SPATA31C1: variants seen among roughly 807,000 people sequenced by gnomAD.
SPATA31C1 encodes the protein SPATA31 subfamily C member 1, also known as spermatogenesis-associated protein 31C1.
chr9:87,922,171 C>T, exon 5 of SPATA31C1: 1 of 1,613,284 alleles, frequency 6.2e-7, no homozygotes, highest in East Asian at 2.2e-5. Flanking sequence ...CGAGGGATCC[C>T]ATCTTCAAAT....
chr9:87,920,076 G>A, intron 4 of SPATA31C1, 100 bp downstream of exon 3: 1 of 1,608,440 alleles, frequency 6.2e-7, no homozygotes, highest in South Asian at 1.1e-5. Flanking sequence ...GGAGACCAGG[G>A]GGACAGAGGA....
exon 5 of SPATA31C1, chr9:87,922,422 A>C (rs761145788): frequency 1.6e-5 from 26 of 1,610,220 alleles, no homozygotes; most frequent in Non-Finnish European, 8.5e-7. Flanking sequence ...AGGCGCCAGC[A>C]AAAGCTCTCT....
intron 1 of SPATA31C1, among the ~76,000 whole-genome samples, chr9:87,915,317 GTTATTT>G (rs1368179702): frequency 1.5e-5 from 2 of 137,568 alleles, no homozygotes; most frequent in Non-Finnish European, 3.2e-5. Context: ...GTGTTTGTGT[GTTATTT>G]TTATTTATTT....
At chr9:87,919,272 G>T (rs1188070659) in intron 2 of SPATA31C1, 39 of 1,599,368 alleles carry the variant, frequency 2.4e-5, no homozygotes, top group Non-Finnish European at 3.1e-5. Context: ...TTGTCTCCCA[G>T]CGTCATCTTG....
At chr9:87,917,500 ATAAGAG>A (rs1564137801) in intron 1 of SPATA31C1, 1 of 82,708 alleles carries the variant, frequency 1.2e-5, no homozygotes, top group African/African-American at 3.6e-5. Flanking sequence ...GCAAAACTAA[ATAAGAG>A]TAAAAGAAAT....
chr9:87,920,733 G>T (rs765919345), exon 5 of SPATA31C1: 2 of 1,613,952 alleles, frequency 1.2e-6, no homozygotes, highest in Non-Finnish European at 1.7e-6. Flanking sequence ...GGCGGCTTCT[G>T]TCCCAGCCAT....
exon 5 of SPATA31C1, chr9:87,921,621 C>G (rs1304946070): frequency 3.1e-6 from 5 of 1,611,886 alleles, no homozygotes; most frequent in East Asian, 2.2e-5. Flanking sequence ...TTTATTAAGA[C>G]GCACAGAGAG....
At chr9:87,919,055 C>A in intron 2 of SPATA31C1, 200 bp from the exon 2 acceptor site, 1 of 849,938 alleles carries the variant, frequency 1.2e-6, no homozygotes, top group Non-Finnish European at 1.8e-6. Context: ...TAGGCGTGAG[C>A]CACCGCACCC....
In SPATA31C1 at chr9:87,919,405, A is replaced by C. The variant is rs916020418; in HGVS notation, n.580+57A>C. ...TTTGATCTCATCTGTCCGGGAGGGA[A>C]CTGACTCTGAAGAAGTCAGTTGAAA... On this transcript the variant is annotated intron_variant and non_coding_transcript_variant, in intron 3 of 4. Transcript: ENST00000420021. The C allele has an allele frequency of 6.9e-6, 11 of 1,592,940 alleles. No homozygotes were observed. In the African/African-American group the frequency reaches 1.2e-4, roughly 18 times the overall value.
At chr9:87,921,221 G>A in exon 5 of SPATA31C1, 4 of 1,611,948 alleles carry the variant, frequency 2.5e-6, no homozygotes, top group South Asian at 2.2e-5. Context: ...ACCTTCCCCA[G>A]GAAAGACTGA....
chr9:87,921,671 A>G lies in SPATA31C1; in HGVS notation n.2061A>G, dbSNP rs749117396. Reference sequence around the variant, plus strand: ...ACATCCTGAAAGCCCACATGGGCAGAAAGTTGGGCCAGACCAACGAGGGCT... The same window carrying G: ...ACATCCTGAAAGCCCACATGGGCAGGAAGTTGGGCCAGACCAACGAGGGCT... On this transcript the variant is annotated non_coding_transcript_exon_variant, in exon 5 of 5. Transcript: ENST00000420021. The G allele has an allele frequency of 3.7e-6, 6 of 1,611,942 alleles. No homozygotes were observed. In the South Asian group the frequency reaches 5.5e-5, roughly 15 times the overall value.
chr9:87,921,250 A>C, exon 5 of SPATA31C1: 6 of 1,611,954 alleles, frequency 3.7e-6, no homozygotes, highest in Non-Finnish European at 5.1e-6. Context: ...CTGCCTGAGA[A>C]CTTTCCAGTC....
exon 5 of SPATA31C1, chr9:87,920,759 C>T (rs1375674910): frequency 6.2e-7 from 1 of 1,613,978 alleles, no homozygotes; most frequent in Non-Finnish European, 8.5e-7. Flanking sequence ...GCCTTGGCGG[C>T]TCAAACAGTC....
chr9:87,923,305 G>C, exon 5 of SPATA31C1: 1 of 1,603,424 alleles, frequency 6.2e-7, no homozygotes, highest in Non-Finnish European at 8.5e-7. Context: ...CGTCCCAACA[G>C]AGACAGACAA....
intron 1 of SPATA31C1, among the ~76,000 whole-genome samples, chr9:87,917,077 A>T (rs1302674476): frequency 2.9e-5 from 4 of 135,832 alleles, no homozygotes; most frequent in African/African-American, 1.0e-4. Flanking sequence ...TAGAATTTTA[A>T]AAAAATCTTA....
At chr9:87,923,075 T>G (rs1828920362) in exon 5 of SPATA31C1, 1 of 1,601,576 alleles carries the variant, frequency 6.2e-7, no homozygotes, top group African/African-American at 1.3e-5. Context: ...GCAGCAGTGC[T>G]GAAGCTGAGA....
chr9:87,919,591 G>C (rs1250935395), intron 3 of SPATA31C1, among the ~76,000 whole-genome samples: 20 of 83,148 alleles, frequency 2.4e-4, no homozygotes, highest in African/African-American at 2.8e-4. Context: ...GGATGCGGAG[G>C]GGGGTGAGGG....
At chr9:87,917,075 TA>T (rs1201491271) in intron 1 of SPATA31C1, among the ~76,000 whole-genome samples, 122 of 129,832 alleles carry the variant, frequency 9.4e-4, no homozygotes, top group South Asian at 2.1e-3. Flanking sequence ...AATAGAATTT[TA>T]AAAAAATCTT....
chr9:87,921,087 G>C (rs1230694550), exon 5 of SPATA31C1: 2 of 1,611,564 alleles, frequency 1.2e-6, no homozygotes, highest in African/African-American at 2.7e-5. Context: ...TAAAGTGCAA[G>C]CTCTCTCCTT....
Sources: allele counts gnomAD v4.1 joint callset (sites outside exome capture counted in the v4.1 genomes callset), GRCh38; gene constraint gnomAD v4.1.1; transcripts MANE v1.5; gene names NCBI Gene and HGNC (gene_info 2026-07-23, HGNC 2026-07-21).